ZNF583: variants seen among roughly 807,000 people sequenced by gnomAD.
ZNF583 encodes the protein zinc finger protein L3-5.
ZNF583 carries 30 observed loss-of-function variants against 55.3 expected under a neutral mutation model. The ratio of observed to expected loss-of-function variants is 0.54; its 90% confidence interval spans 0.41 to 0.74. The LOEUF is 0.74. Among genes scored for constraint, ZNF583 ranks in the 30% least tolerant of loss-of-function variants. ZNF583 has a pLI of 0.00. For missense variants in ZNF583, 504 were observed against 664.7 expected, an observed-to-expected ratio of 0.76 and a Z score of 2.66; for synonymous variants, 208 against 220.0, an observed-to-expected ratio of 0.95 and a Z score of 0.48.
chr19:56,407,160 A>T, intron 2 of ZNF583, 37 bp downstream of exon 2: 1 of 1,612,998 alleles, frequency 6.2e-7, no homozygotes, highest in African/African-American at 1.3e-5. Flanking sequence ...CTAAAATGCC[A>T]TCTTATTTTT....
chr19:56,424,167 T>C lies in ZNF583; in HGVS notation c.1509T>C (p.Tyr503=), dbSNP rs1014044238. 1 of 1,611,872 alleles carries C rather than the reference T, an allele frequency of 6.2e-7. No homozygotes were observed. Among genetic ancestry groups the C allele is most frequent in the African/African-American group, 1.3e-5 (1 of 74,862 alleles). The part of the protein sequence containing the change: ...ECNVCGKAFS[Y]SGSLTLHQRI... ...ATGTTTGTGGGAAAGCATTTAGCTATAGTGGATCTCTTACTCTACATCAGA... is the reference window on the plus strand; with the variant it reads ...ATGTTTGTGGGAAAGCATTTAGCTACAGTGGATCTCTTACTCTACATCAGA... The change falls in exon 5 of 5, where the codon TAT becomes TAC. Residue 503 remains tyrosine, a synonymous_variant. Transcript: ENST00000333201.
chr19:56,409,643 A>G (rs2042207565), intron 2 of ZNF583, among the ~76,000 whole-genome samples: 1 of 152,114 alleles, frequency 6.6e-6, no homozygotes, highest in Non-Finnish European at 1.5e-5. Flanking sequence ...ATTTTAATGC[A>G]TGGTTTTTGA....
rs187218208 is a variant in ZNF583 at position 56,415,721 on chromosome 19, G to A, written c.232+1281G>A. On this transcript the variant is annotated intron_variant, in intron 4 of 4. Transcript: ENST00000333201. ...TGGGATTACAGGCATGCACCACTAC[G>A]CCCAGCTAATTTTTCTGTATTTTAA... Among the ~76,000 whole-genome samples the A allele has an allele frequency of 1.3e-3, 197 of 151,970 alleles. 2 individuals carry two copies. Among genetic ancestry groups the A allele is most frequent in the African/African-American group, 4.6e-3 (190 of 41,476 alleles).
chr19:56,421,941 T>C (rs2042422440), intron 4 of ZNF583, among the ~76,000 whole-genome samples: 4 of 152,134 alleles, frequency 2.6e-5, no homozygotes, highest in African/African-American at 9.7e-5. Context: ...GAAGAGGTAA[T>C]ATGTGAACAG....
chr19:56,422,673 CTTCA>C (rs935672159), intron 4 of ZNF583, among the ~76,000 whole-genome samples: 10 of 152,196 alleles, frequency 6.6e-5, no homozygotes, highest in Admixed American at 3.9e-4. Flanking sequence ...AGAATACCAC[CTTCA>C]TTGTTTTGTT....
At chr19:56,416,193 G>A (rs1297920545) in intron 4 of ZNF583, among the ~76,000 whole-genome samples, 1 of 151,714 alleles carries the variant, frequency 6.6e-6, no homozygotes, top group Non-Finnish European at 1.5e-5. Flanking sequence ...AGGTGTGGTG[G>A]CAGGCTCCTG....
Position 56,407,077 on chromosome 19 carries a change from G to C in ZNF583, c.-38G>C, listed in dbSNP as rs372071005. ...CTCCCACAGAGGAGCTGAAGGAGTA[G>C]GACAGAAGAACTGTCAAATTCTGGA... On this transcript the variant is annotated 5_prime_UTR_variant, in exon 2 of 5. Coordinates refer to ENST00000333201, the MANE Select transcript of ZNF583 (RefSeq NM_152478.3). 1.9e-6 allele frequency: 3 copies of C among 1,613,562 alleles called. No homozygotes were observed. The highest frequency in any genetic ancestry group is 2.5e-6 in the Non-Finnish European group (3 of 1,179,556).
rs548459238 is a variant in ZNF583, at chr19:56,421,181, A to G, written c.233-1710A>G. ...ATCAAAAACTCTGTGTGTGGGGTAT[A>G]GCAATCTGTAGTTTAGCAAGTTTTA... On this transcript the variant is annotated intron_variant, in intron 4 of 4. Transcript: ENST00000333201. Among the ~76,000 whole-genome samples the G allele has an allele frequency of 2.6e-5, 4 of 152,308 alleles. No individual in the cohort carries two copies. In the East Asian group the frequency reaches 7.7e-4, roughly 29 times the overall value.
chr19:56,419,232 T>C (rs2042376314), intron 4 of ZNF583, among the ~76,000 whole-genome samples: 1 of 149,286 alleles, frequency 6.7e-6, no homozygotes, highest in African/African-American at 2.5e-5. Flanking sequence ...AGTCTTGCTC[T>C]GTCACCAGGC....
chr19:56,408,897 C>G (rs751458713), intron 2 of ZNF583, among the ~76,000 whole-genome samples: 15 of 152,114 alleles, frequency 9.9e-5, no homozygotes, highest in Non-Finnish European at 1.5e-4. Flanking sequence ...GTATTTACCT[C>G]TCTTCATTTT....
chr19:56,423,570 C>T lies in ZNF583; in HGVS notation c.912C>T (p.Ala304=). 1 of 1,613,636 alleles carries T rather than the reference C, an allele frequency of 6.2e-7. No homozygotes were observed. Residue 304 remains alanine (A), a synonymous_variant, in exon 5 of 5, where the codon GCC becomes GCT. Transcript: ENST00000333201. Reference sequence around the variant, plus strand: ...ATCAGTGTAAAGAATGTAAAAAAGCCTTCAGCCAGATTGCACACCTGACTC... The same window carrying T: ...ATCAGTGTAAAGAATGTAAAAAAGCTTTCAGCCAGATTGCACACCTGACTC... The part of the protein sequence containing the change: ...KPYQCKECKK[A]FSQIAHLTQH...
At position 56,411,154 on chromosome 19, in the gene ZNF583, G is replaced by C. The variant is rs539570919; in HGVS notation, c.10-2805G>C. On this transcript the variant is annotated intron_variant, in intron 2 of 4. Coordinates refer to ENST00000333201, the MANE Select transcript of ZNF583 (RefSeq NM_152478.3). ...AAAAAAAAAAAATTACCTGTGCCTG[G>C]TGATGAGTGCCTGTGGTCCCAGCTG... is the stretch of plus-strand genomic sequence containing the variant. Among the ~76,000 whole-genome samples the C allele has an allele frequency of 2.0e-5, 3 of 151,892 alleles. No homozygotes were observed. The South Asian group carries it at 6.2e-4, about 32-fold the overall frequency.
chr19:56,424,743 A>G lies in ZNF583; in HGVS notation c.*375A>G, dbSNP rs2042477948. On this transcript the variant is annotated 3_prime_UTR_variant, in exon 5 of 5. Transcript: ENST00000333201. ...GATTAAGATACATATTCCAGGATCAAAAAGACCTGGGTTCCAATCTTTGCA... is the reference window on the plus strand; with the variant it reads ...GATTAAGATACATATTCCAGGATCAGAAAGACCTGGGTTCCAATCTTTGCA... The G allele has an allele frequency of 6.0e-6, 1 of 166,960 alleles. No homozygotes were observed. Among genetic ancestry groups the G allele is most frequent in the African/African-American group, 2.4e-5 (1 of 41,810 alleles). 10.3% of individuals were successfully genotyped at this position (166,960 alleles called of 1,614,324 possible).
At chr19:56,408,323 T>C (rs2042186008) in intron 2 of ZNF583, among the ~76,000 whole-genome samples, 1 of 152,220 alleles carries the variant, frequency 6.6e-6, no homozygotes, top group Non-Finnish European at 1.5e-5. Flanking sequence ...AATAGAACTT[T>C]CTGTGATGAT....
chr19:56,418,801 G>A (rs186523762), intron 4 of ZNF583, among the ~76,000 whole-genome samples: 1 of 152,234 alleles, frequency 6.6e-6, no homozygotes, highest in East Asian at 1.9e-4. Flanking sequence ...AATTGAAGGG[G>A]TAAGAGGAAA....
At position 56,424,017 on chromosome 19, in the gene ZNF583, A is replaced by G; in HGVS notation, c.1359A>G (p.Gln453=). 1 of 1,614,124 alleles carries G rather than the reference A, an allele frequency of 6.2e-7. No individual in the cohort carries two copies. Among genetic ancestry groups the G allele is most frequent in the Non-Finnish European group, 8.5e-7 (1 of 1,180,002 alleles). ...KAFSNSSSLA[Q]HQRSHTGEKP... is the part of the protein sequence containing the mutation. ...TTAGCAATAGTTCATCACTTGCACA[A>G]CATCAGAGAAGTCATACTGGAGAAA... Residue 453 remains glutamine (Q), a synonymous_variant, in exon 5 of 5, where the codon CAA becomes CAG. Coordinates refer to ENST00000333201, the MANE Select transcript of ZNF583 (RefSeq NM_152478.3).
At chr19:56,419,822 A>C (rs1481749327) in intron 4 of ZNF583, among the ~76,000 whole-genome samples, 1 of 152,206 alleles carries the variant, frequency 6.6e-6, no homozygotes. Flanking sequence ...AAACAGCTGT[A>C]GGCTATGTAA....
chr19:56,405,821 G>C (rs2042138274), intron 1 of ZNF583, among the ~76,000 whole-genome samples: 1 of 152,180 alleles, frequency 6.6e-6, no homozygotes, highest in African/African-American at 2.4e-5. Context: ...AATTGATAGG[G>C]AATAGTTACC....
At chr19:56,411,321 G>A (rs934665966) in intron 2 of ZNF583, among the ~76,000 whole-genome samples, 2 of 151,994 alleles carry the variant, frequency 1.3e-5, no homozygotes, top group African/African-American at 4.8e-5. Flanking sequence ...AAAGGAGTGG[G>A]GGGAAATCAC....
Sources: gnomAD v4.1 joint callset for allele counts (sites outside exome capture counted in the v4.1 genomes callset) on GRCh38, gnomAD v4.1.1 for gene constraint, MANE v1.5 for transcripts, NCBI Gene and HGNC (gene_info 2026-07-23, HGNC 2026-07-21) for gene names.